The following ZDHHC24 variants were observed in gnomAD, a reference collection of about 807,000 sequenced individuals.
The protein encoded by ZDHHC24 is probable palmitoyltransferase ZDHHC24.
In ZDHHC24, 17 loss-of-function variants were observed where a neutral mutation model predicts 23.2. The observed-to-expected ratio is 0.73, with a 90% confidence interval of 0.50 to 1.10. ZDHHC24 has a LOEUF of 1.10. Ranked by LOEUF, ZDHHC24 falls within the 50% of genes least tolerant of loss-of-function variation. The pLI, the probability that ZDHHC24 is intolerant of heterozygous loss-of-function variation, is 0.00. For synonymous variants in ZDHHC24, 186 were observed against 194.5 expected (o/e 0.96, Z 0.36); for missense variants, 366 against 393.0 (o/e 0.93, Z 0.58).
In ZDHHC24 at chr11:66,536,051, T is replaced by C. The variant is rs1199197213; in HGVS notation, c.*3478A>G. On this transcript the variant is annotated 3_prime_UTR_variant, in exon 3 of 3. Transcript: ENST00000310442. ...AATAAACTCTGCATGATTTCATTCA[T>C]ATATTTGAAAACATGCAAAGCCAAC... 6.6e-6 allele frequency: 1 copy of C among 152,250 alleles called. No homozygotes were observed. The highest frequency in any genetic ancestry group is 1.5e-5 in the Non-Finnish European group (1 of 68,088). The allele number at this position is 152,250 out of a possible 1,614,324, so 9.4% of individuals were successfully genotyped here. A position where few individuals can be genotyped will look rare whatever the true frequency, so the allele number is the denominator to read the frequency against.
exon 3 of ZDHHC24, chr11:66,529,456 T>A: frequency 1.3e-6 from 1 of 791,878 alleles, no homozygotes; most frequent in Non-Finnish European, 2.1e-6. Flanking sequence ...CTCCTCTTTG[T>A]GGTGGTCAGA....
At chr11:66,523,851 A>T in intron 4 of ZDHHC24, 1 of 1,613,552 alleles carries the variant, frequency 6.2e-7, no homozygotes, top group Non-Finnish European at 8.5e-7. Flanking sequence ...ATTTATCGTG[A>T]CAAGGCCCTG....
chr11:66,529,452 T>C (rs1174463034), exon 3 of ZDHHC24: 11 of 799,010 alleles, frequency 1.4e-5, no homozygotes, highest in Non-Finnish European at 2.3e-5. Flanking sequence ...AGGACTCCTC[T>C]TTGTGGTGGT....
Position 66,543,851 on chromosome 11 carries a change from G to C in ZDHHC24, c.412C>G (p.Pro138Ala). Residue 138 changes from proline to alanine, a missense_variant, in exon 2 of 3, where the codon CCC (proline) becomes GCC (alanine). Transcript: ENST00000310442. ...GCATGAAGCAGCAGGCACAGGAAGG[G>C]CCGGTAGTTGCCGAAGCCCACGCAG... ...GRCVGFGNYRPFLCLLLHAAG... is the reference protein window; with the variant it reads ...GRCVGFGNYRAFLCLLLHAAG... 1 of 1,613,882 alleles carries C rather than the reference G, an allele frequency of 6.2e-7. No individual in the cohort carries two copies. Among genetic ancestry groups the C allele is most frequent in the Non-Finnish European group, 8.5e-7 (1 of 1,179,860 alleles).
chr11:66,529,966 T>G, intron 2 of ZDHHC24: 1 of 1,596,104 alleles, frequency 6.3e-7, no homozygotes, highest in Non-Finnish European at 8.5e-7. Context: ...AGCATCTGGG[T>G]GAGGGCAGAG....
downstream of ZDHHC24, chr11:66,530,777 C>A: frequency 7.0e-7 from 1 of 1,428,884 alleles, no homozygotes; most frequent in Non-Finnish European, 9.9e-7. Flanking sequence ...TGCTGGGAGG[C>A]AGATTGAGTA....
chr11:66,528,086 T>C (rs1199596187), intron 3 of ZDHHC24, among the ~76,000 whole-genome samples: 1 of 152,034 alleles, frequency 6.6e-6, no homozygotes, highest in Non-Finnish European at 1.5e-5. Context: ...CAAAATTAGC[T>C]GGGCATGGTG....
rs1436565071 is a variant in ZDHHC24 at position 66,539,760 on chromosome 11, C to T, written c.624G>A (p.Leu208=). ...FVTDTCVAGA[L]LCGAGLLFHG... is the part of the protein sequence containing the mutation. ...GGAAGAGCAGCCCAGCCCCGCACAG[C>T]AGCGCACCCGCCACGCACGTGTCCG... Residue 208 remains leucine (L), a synonymous_variant, in exon 3 of 3, where the codon CTG becomes CTA. Transcript: ENST00000310442. 1.2e-6 allele frequency: 2 copies of T among 1,612,630 alleles called. No homozygotes were observed. The highest frequency in any genetic ancestry group is 1.7e-6 in the Non-Finnish European group (2 of 1,179,494).
At position 66,543,926 on chromosome 11, in the gene ZDHHC24, AG is replaced by A; in HGVS notation, c.336del (p.Cys113AlafsTer87). The A allele has an allele frequency of 6.2e-7, 1 of 1,613,978 alleles. No homozygotes were observed. Among genetic ancestry groups the A allele is most frequent in the Non-Finnish European group, 8.5e-7 (1 of 1,179,922 alleles). On this transcript the variant is annotated frameshift_variant, in exon 2 of 3. Transcript: ENST00000310442. LOFTEE classifies it high-confidence loss of function. Reference sequence around the variant, plus strand: ...TCCCGACGCAGGATGCAGACGCGGCAGGCAGAGCAGTGTCCGCTGCGTGGCG... The same window carrying A: ...TCCCGACGCAGGATGCAGACGCGGCAGCAGAGCAGTGTCCGCTGCGTGGCG... Reference protein sequence around the residue: ...QVPPRSGHCSACRVCILRRDH... With the variant: ...QVPPRSGHCSXCRVCILRRDH...
intron 2 of ZDHHC24, among the ~76,000 whole-genome samples, chr11:66,542,128 C>T (rs1478492803): frequency 1.3e-4 from 20 of 152,186 alleles, no homozygotes; most frequent in Non-Finnish European, 2.4e-4. Flanking sequence ...TGATGTCTCA[C>T]TTTCTCAGTG....
chr11:66,545,971 G>C lies in ZDHHC24; in HGVS notation c.33C>G (p.Asp11Glu). The change falls in exon 1 of 3, where the codon GAC becomes GAG. Residue 11 changes from aspartate (D) to glutamate (E), a missense_variant. By Grantham distance (45) the Asp-to-Glu change is conservative (BLOSUM62 2). Coordinates refer to ENST00000310442, the MANE Select transcript of ZDHHC24 (RefSeq NM_207340.3). This position sits in a 1 kb window ranked among gnomAD's most constrained non-coding sequence, Gnocchi z 4.5. ...CGAGAGGCAGCTGCGCGGGCGCCCC[G>C]TCCGTGCTCCCAGCCGCCCAGGGCT... MGQPWAAGST[D>E]GAPAQLPLVL... 1 of 1,422,848 alleles carries C rather than the reference G, an allele frequency of 7.0e-7. No individual in the cohort carries two copies. Among genetic ancestry groups the C allele is most frequent in the African/African-American group, 1.5e-5 (1 of 66,288 alleles). 88.1% of individuals were successfully genotyped at this position (1,422,848 alleles called of 1,614,324 possible).
At chr11:66,541,094 T>C (rs1857138374) in intron 2 of ZDHHC24, among the ~76,000 whole-genome samples, 1 of 152,064 alleles carries the variant, frequency 6.6e-6, no homozygotes, top group South Asian at 2.1e-4. Context: ...AGCCACTAAA[T>C]TGTACACTTT....
intron 2 of ZDHHC24, among the ~76,000 whole-genome samples, chr11:66,540,943 A>C (rs1857134587): frequency 6.6e-6 from 1 of 152,182 alleles, no homozygotes; most frequent in Non-Finnish European, 1.5e-5. Context: ...CAGAGACAGA[A>C]AGATTAGTGG....
intron 3 of ZDHHC24, chr11:66,529,127 A>C (rs896847835): frequency 1.5e-5 from 15 of 980,624 alleles, no homozygotes; most frequent in Admixed American, 6.4e-5. Flanking sequence ...TCACACATAA[A>C]CGGAAGAGCG....
intron 3 of ZDHHC24, among the ~76,000 whole-genome samples, chr11:66,528,304 A>C (rs1188035688): frequency 6.6e-6 from 1 of 152,254 alleles, no homozygotes; most frequent in Admixed American, 6.5e-5. Flanking sequence ...GCTTAAGTGG[A>C]GAGAGTTACC....
intron 2 of ZDHHC24, among the ~76,000 whole-genome samples, chr11:66,529,640 G>A (rs528530347): frequency 1.3e-5 from 2 of 151,892 alleles, no homozygotes; most frequent in East Asian, 1.9e-4. Flanking sequence ...GCGAGGCCAC[G>A]GCGTCGAGTT....
downstream of ZDHHC24, chr11:66,532,401 ATCAC>A (rs1856825151): frequency 4.1e-6 from 1 of 245,778 alleles, no homozygotes. Flanking sequence ...CCTCATGCAC[ATCAC>A]TCATCTCCTG....
chr11:66,530,667 C>A (rs1856739208), downstream of ZDHHC24, among the ~76,000 whole-genome samples: 1 of 152,088 alleles, frequency 6.6e-6, no homozygotes, highest in Admixed American at 6.5e-5. Context: ...GGCCTGCAGT[C>A]CCAGGCCAGC....
chr11:66,541,418 A>C (rs1857147899), intron 2 of ZDHHC24, among the ~76,000 whole-genome samples: 1 of 152,024 alleles, frequency 6.6e-6, no homozygotes, highest in South Asian at 2.1e-4. Context: ...AAAAAAAAAA[A>C]ACCATTCTGT....
Sources: gnomAD v4.1 joint callset for allele counts (sites outside exome capture counted in the v4.1 genomes callset) on GRCh38, gnomAD v4.1.1 for gene constraint, Gnocchi (gnomAD v3.1) non-coding constraint, MANE v1.5 for transcripts, NCBI Gene and HGNC (gene_info 2026-07-23, HGNC 2026-07-21) for gene names.